CNNM2: variants seen among roughly 807,000 people sequenced by gnomAD.
The protein encoded by CNNM2 is metal transporter CNNM2.
In CNNM2, 12 loss-of-function variants were observed where a neutral mutation model predicts 66.9. The observed-to-expected ratio is 0.18, with a 90% CI of 0.11 to 0.29. The LOEUF (loss-of-function observed/expected upper bound fraction) is 0.29. CNNM2 is among the 10% of genes least tolerant of loss of function. The probability of loss-of-function intolerance (pLI) is 1.00; values close to 1 mark genes in which losing one functional copy is unlikely to be tolerated. For missense variants in CNNM2, 705 were observed against 1,167.7 expected (o/e 0.60, Z 5.77); for synonymous variants, 557 against 501.8 (o/e 1.11, Z -1.47).
At chr10:102,924,248 C>T (rs1845765195) in intron 1 of CNNM2, among the ~76,000 whole-genome samples, 1 of 152,204 alleles carries the variant, frequency 6.6e-6, no homozygotes, top group Non-Finnish European at 1.5e-5. Flanking sequence ...CCTGACAAAA[C>T]CGTCCTCACA....
Position 103,054,241 on chromosome 10 carries a change from CA to C in CNNM2, c.1766-86del. ...ATCTGGAAATACAGTCCAGCTCTTC[CA>C]ATATATTTTGTCTTTTTCATTCAAA... is the stretch of plus-strand genomic sequence containing the variant. On this transcript the variant is annotated intron_variant, in intron 2 of 7. Transcript: ENST00000369878. This position sits in a 1 kb window ranked among gnomAD's most constrained non-coding sequence, Gnocchi z 5.2. The C allele has an allele frequency of 1.4e-6, 2 of 1,432,226 alleles. 1 individual carries two copies. Among genetic ancestry groups the C allele is most frequent in the Admixed American group, 4.3e-5 (2 of 46,844 alleles). 88.7% of individuals were successfully genotyped at this position (1,432,226 alleles called of 1,614,324 possible).
chr10:103,052,989 T>C (rs1225892460), intron 2 of CNNM2, among the ~76,000 whole-genome samples: 1 of 152,256 alleles, frequency 6.6e-6, no homozygotes, highest in Non-Finnish European at 1.5e-5. Flanking sequence ...TCTGTTTTGC[T>C]TTATGCAAGA....
intron 1 of CNNM2, among the ~76,000 whole-genome samples, chr10:103,004,852 T>G (rs1489928695): frequency 6.6e-6 from 1 of 152,242 alleles, no homozygotes; most frequent in Non-Finnish European, 1.5e-5. Flanking sequence ...GGTATCAGTT[T>G]CCACATACAA....
At chr10:103,002,751 T>C (rs574270943) in intron 1 of CNNM2, among the ~76,000 whole-genome samples, 1 of 152,252 alleles carries the variant, frequency 6.6e-6, no homozygotes, top group South Asian at 2.1e-4. Flanking sequence ...AGTGCAGGGA[T>C]TACAGGCGTG....
intron 1 of CNNM2, among the ~76,000 whole-genome samples, chr10:102,950,753 A>AAAAAAG (rs2134190881): frequency 6.6e-6 from 1 of 152,264 alleles, no homozygotes; most frequent in South Asian, 2.1e-4. Flanking sequence ...CCTGTCTCAA[A>AAAAAAG]AAAAAGAAAA....
chr10:102,964,446 C>T (rs1172312792), intron 1 of CNNM2, among the ~76,000 whole-genome samples: 3 of 152,158 alleles, frequency 2.0e-5, no homozygotes, highest in Non-Finnish European at 2.9e-5. Context: ...CCAGGCTGAT[C>T]TTAAACTCCT....
At chr10:102,926,710 T>A (rs902999733) in intron 1 of CNNM2, among the ~76,000 whole-genome samples, 1 of 116,802 alleles carries the variant, frequency 8.6e-6, no homozygotes, top group African/African-American at 3.2e-5. Context: ...CACACCCAGC[T>A]AATTTTTTTT....
intron 1 of CNNM2, among the ~76,000 whole-genome samples, chr10:103,002,767 C>G (rs1366402744): frequency 2.0e-5 from 3 of 152,170 alleles, no homozygotes; most frequent in Non-Finnish European, 2.9e-5. Flanking sequence ...GCGTGAGCCA[C>G]TGCGCCTGGC....
chr10:102,938,145 A>T (rs188207470), intron 1 of CNNM2, among the ~76,000 whole-genome samples: 44 of 151,750 alleles, frequency 2.9e-4, no homozygotes, highest in Admixed American at 1.6e-3. Flanking sequence ...CAAAAAAATT[A>T]AAAAATTAGG....
chr10:103,043,212 T>G (rs2065072263), intron 1 of CNNM2, among the ~76,000 whole-genome samples: 1 of 152,168 alleles, frequency 6.6e-6, no homozygotes, highest in Non-Finnish European at 1.5e-5. Flanking sequence ...TTGAGTGGCA[T>G]TTTAGGACCC....
rs71019651 is a variant in CNNM2 at position 103,034,972 on chromosome 10, C to CAAAAAAAAAAAAAAAAAAAAAA, written c.1622-14717_1622-14716insAAAAAAAAAAAAAAAAAAAAAA. Among the ~76,000 whole-genome samples, 3 of 71,134 alleles carry CAAAAAAAAAAAAAAAAAAAAAA rather than the reference C, an allele frequency of 4.2e-5. No individual in the cohort carries two copies. Among genetic ancestry groups the CAAAAAAAAAAAAAAAAAAAAAA allele is most frequent in the Middle Eastern group, 8.5e-3 (1 of 118 alleles). 46.7% of individuals were successfully genotyped at this position (71,134 alleles called of 152,430 possible). On this transcript the variant is annotated intron_variant, in intron 1 of 7. Transcript: ENST00000369878. ...TGGGCGACAGAGCGAGACTCCGTCT[C>CAAAAAAAAAAAAAAAAAAAAAA]AAAAAAAAAAAAAAAAAATCTCCTA... is the stretch of plus-strand genomic sequence containing the variant.
chr10:103,071,719 G>C (rs1366310129), intron 5 of CNNM2, 55 bp from the exon 6 acceptor site: 1 of 1,357,000 alleles, frequency 7.4e-7, no homozygotes, highest in East Asian at 2.3e-5. Flanking sequence ...TGATTACAGA[G>C]ATCTCTGTTC....
chr10:102,946,542 T>C (rs934993268), intron 1 of CNNM2, among the ~76,000 whole-genome samples: 1 of 152,184 alleles, frequency 6.6e-6, no homozygotes, highest in Admixed American at 6.5e-5. Context: ...GCACTTGTGC[T>C]AGCTGTTGTT....
rs911375011 is a variant in CNNM2 at position 103,085,818 on chromosome 10, T to C, written c.*8638T>C. The stretch of plus-strand genomic sequence containing the variant: ...TTTTATTTTTGAGATCACATACCTT[T>C]GTTGGAATGAATCAGACTGTTGTGG... On this transcript the variant is annotated 3_prime_UTR_variant, in exon 8 of 8. Coordinates refer to ENST00000369878, the MANE Select transcript of CNNM2 (RefSeq NM_017649.5). The C allele has an allele frequency of 1.2e-4, 18 of 152,336 alleles. No individual in the cohort carries two copies. The highest frequency in any genetic ancestry group is 3.4e-3 in the Middle Eastern group (1 of 294). 9.4% of individuals were successfully genotyped at this position (152,336 alleles called of 1,614,324 possible). A position where few individuals can be genotyped will look rare whatever the true frequency, so the allele number is the denominator to read the frequency against.
chr10:103,040,611 G>T (rs1454689746), intron 1 of CNNM2, among the ~76,000 whole-genome samples: 2 of 152,202 alleles, frequency 1.3e-5, no homozygotes, highest in Non-Finnish European at 2.9e-5. Flanking sequence ...CTTGGCAGGG[G>T]CTGACACAAA....
In CNNM2 at chr10:102,986,892, A is replaced by G. The variant is rs3902934; in HGVS notation, c.1622-62815A>G. 0.4 allele frequency among the ~76,000 whole-genome samples: 61,241 copies of G among 151,882 alleles called. 12,539 individuals carry two copies. The highest frequency in any genetic ancestry group is 0.49 in the East Asian group (2,508 of 5,158). ...ATAGGGATTTTGTGTAAGTGTTGAC[A>G]TATGGGTAGGGTGGGCTAGGTGATT... On this transcript the variant is annotated intron_variant, in intron 1 of 7. Coordinates refer to ENST00000369878, the MANE Select transcript of CNNM2 (RefSeq NM_017649.5).
Position 103,087,631 on chromosome 10 carries a change from C to T in CNNM2, c.*10451C>T, listed in dbSNP as rs531899181. ...AGCTCTGCAGATGTAATAAGCTACT[C>T]ATAAATTATTTGGGTTTAAGAAAAC... On this transcript the variant is annotated 3_prime_UTR_variant, in exon 8 of 8. Transcript: ENST00000369878. 3 of 152,290 alleles carry T rather than the reference C, an allele frequency of 2.0e-5. No homozygotes were observed. In the South Asian group the frequency reaches 6.2e-4, roughly 32 times the overall value. 9.4% of individuals were successfully genotyped at this position (152,290 alleles called of 1,614,324 possible).
At chr10:103,011,247 GT>G (rs1156304972) in intron 1 of CNNM2, among the ~76,000 whole-genome samples, 2 of 152,088 alleles carry the variant, frequency 1.3e-5, no homozygotes, top group African/African-American at 2.4e-5. Flanking sequence ...GAGGGCAGGA[GT>G]TCGAGACCAG....
chr10:103,052,595 C>T (rs1404345927), intron 2 of CNNM2, among the ~76,000 whole-genome samples: 2 of 151,650 alleles, frequency 1.3e-5, no homozygotes, highest in Non-Finnish European at 2.9e-5. Flanking sequence ...CTCACTGCAA[C>T]CTCCGCCTCC....
Sources: gnomAD v4.1 joint callset for allele counts (sites outside exome capture counted in the v4.1 genomes callset) on GRCh38, gnomAD v4.1.1 for gene constraint, Gnocchi (gnomAD v3.1) non-coding constraint, MANE v1.5 for transcripts, NCBI Gene and HGNC (gene_info 2026-07-23, HGNC 2026-07-21) for gene names.